TNFSF11: variants seen among roughly 807,000 people sequenced by gnomAD.
The protein encoded by TNFSF11 is tumor necrosis factor ligand superfamily member 11.
Under a neutral mutation model 32.2 loss-of-function variants are expected in TNFSF11, and 12 were observed. The ratio of observed to expected loss-of-function variants is 0.37; its 90% CI spans 0.24 to 0.60. TNFSF11 has a LOEUF of 0.60. Among genes scored for constraint, TNFSF11 ranks in the 20% least tolerant of loss-of-function variants. The pLI is 0.66. For synonymous variants in TNFSF11, 172 were observed against 152.1 expected, an observed-to-expected ratio of 1.13 and a Z score of -0.96; for missense variants, 345 against 398.0, an observed-to-expected ratio of 0.87 and a Z score of 1.13.
chr13:42,600,424 T>G (rs1869104743), intron 2 of TNFSF11, among the ~76,000 whole-genome samples: 1 of 152,242 alleles, frequency 6.6e-6, no homozygotes. Context: ...CTAGTTAACT[T>G]CATCTCCATT....
At chr13:42,575,580 T>G (rs1380061497) in intron 1 of TNFSF11, among the ~76,000 whole-genome samples, 1 of 152,208 alleles carries the variant, frequency 6.6e-6, no homozygotes, top group East Asian at 1.9e-4. Flanking sequence ...TGGCATTGCT[T>G]GGATTGTATG....
intron 2 of TNFSF11, among the ~76,000 whole-genome samples, chr13:42,568,482 T>C: frequency 6.6e-6 from 1 of 152,260 alleles, no homozygotes; most frequent in Admixed American, 6.5e-5. Flanking sequence ...AATTGTCCAT[T>C]GACACAGTGA....
intron 4 of TNFSF11, among the ~76,000 whole-genome samples, chr13:42,604,115 G>GGGTA (rs1869323873): frequency 6.6e-6 from 1 of 152,174 alleles, no homozygotes; most frequent in Non-Finnish European, 1.5e-5. Flanking sequence ...CCCATTGAGA[G>GGGTA]GGTAGACTTC....
At chr13:42,591,810 G>A (rs189852441) in intron 2 of TNFSF11, among the ~76,000 whole-genome samples, 85 of 152,320 alleles carry the variant, frequency 5.6e-4, no homozygotes, top group African/African-American at 1.5e-3. Flanking sequence ...CAAGAATGCC[G>A]TGGAAATAAG....
chr13:42,575,764 TGA>T (rs1210490978), intron 1 of TNFSF11, among the ~76,000 whole-genome samples: 1 of 152,224 alleles, frequency 6.6e-6, no homozygotes, highest in Non-Finnish European at 1.5e-5. Context: ...ATCTACTCAT[TGA>T]GAGTTTTGTT....
In TNFSF11 at chr13:42,574,431, C is replaced by T; in HGVS notation, c.128C>T (p.Ala43Val). The change falls in exon 1 of 5, where the codon GCC (alanine) becomes GTC (valine). Residue 43 changes from alanine to valine, a missense_variant. Around this residue, in one of 2 missense-constraint regions of TNFSF11, gnomAD observed 197 missense variants for 182.0 expected, o/e 1.08. Coordinates refer to ENST00000398795, the MANE Select transcript of TNFSF11 (RefSeq NM_003701.4). ...CCGCCTGCGCCGCACCAGCCCCCTG[C>T]CGCCTCCCGCTCCATGTTCGTGGCC... ...PPPPAPHQPP[A>V]ASRSMFVALL... 4 of 1,601,812 alleles carry T rather than the reference C, an allele frequency of 2.5e-6. No homozygotes were observed. The highest frequency in any genetic ancestry group is 3.4e-6 in the Non-Finnish European group (4 of 1,177,218).
At chr13:42,597,625 A>T (rs1049458036) in intron 2 of TNFSF11, among the ~76,000 whole-genome samples, 5 of 151,950 alleles carry the variant, frequency 3.3e-5, no homozygotes, top group African/African-American at 1.2e-4. Flanking sequence ...TGTGAAAGGG[A>T]TTGTCATTCT....
At chr13:42,563,019 G>C (rs1872727228) in intron 1 of TNFSF11, 1 of 152,126 alleles carries the variant, frequency 6.6e-6, no homozygotes, top group Non-Finnish European at 1.5e-5. Context: ...CTAGGGAGAG[G>C]GAGTTTCAGT....
intron 2 of TNFSF11, among the ~76,000 whole-genome samples, chr13:42,589,258 C>G (rs905409075): frequency 2.0e-5 from 3 of 152,170 alleles, no homozygotes; most frequent in Non-Finnish European, 2.9e-5. Context: ...TTCACCCACT[C>G]TTCACCTCTC....
intron 1 of TNFSF11, among the ~76,000 whole-genome samples, chr13:42,563,144 A>T (rs980919380): frequency 7.9e-5 from 12 of 152,356 alleles, no homozygotes; most frequent in South Asian, 4.1e-4. Context: ...TTATAACTTT[A>T]CTAGTCAAAT....
chr13:42,606,381 C>T (rs1869452957), intron 4 of TNFSF11, 116 bp from the exon 5 acceptor site: 1 of 1,246,500 alleles, frequency 8.0e-7, no homozygotes, highest in African/African-American at 1.5e-5. Flanking sequence ...ATAAGTTATT[C>T]TCCCTTTGAA....
intron 1 of TNFSF11, 81 bp downstream of exon 1, chr13:42,574,603 A>G (rs1350204620): frequency 7.4e-6 from 11 of 1,493,100 alleles, no homozygotes; most frequent in East Asian, 2.3e-5. Flanking sequence ...GTCTGGCGGC[A>G]GGGCTGGGCC....
At chr13:42,582,883 A>G (rs1203837766) in intron 2 of TNFSF11, among the ~76,000 whole-genome samples, 2 of 152,220 alleles carry the variant, frequency 1.3e-5, no homozygotes, top group South Asian at 4.1e-4. Flanking sequence ...ACCTATTCAC[A>G]TGCACTAGGG....
At chr13:42,602,848 A>G (rs1482201129) in intron 4 of TNFSF11, among the ~76,000 whole-genome samples, 1 of 152,214 alleles carries the variant, frequency 6.6e-6, no homozygotes, top group Non-Finnish European at 1.5e-5. Flanking sequence ...ATTGCATTAG[A>G]CCGTTTGCCA....
intron 2 of TNFSF11, among the ~76,000 whole-genome samples, chr13:42,590,387 G>A (rs773226049): frequency 4.6e-5 from 7 of 152,172 alleles, no homozygotes; most frequent in Non-Finnish European, 7.3e-5. Flanking sequence ...GCGTGAACAC[G>A]TTAGGGACCT....
At position 42,581,256 on chromosome 13, in the gene TNFSF11, G is replaced by A. The variant is rs2137867049; in HGVS notation, c.350G>A (p.Arg117Lys). 4.3e-6 allele frequency: 7 copies of A among 1,614,060 alleles called. No individual in the cohort carries two copies. The highest frequency in any genetic ancestry group is 5.9e-6 in the Non-Finnish European group (7 of 1,179,978). The change falls in exon 2 of 5, where the codon AGG becomes AAG. Residue 117 changes from arginine (R) to lysine (K), a missense_variant. By Grantham distance (26) the Arg-to-Lys change is conservative. Coordinates refer to ENST00000398795, the MANE Select transcript of TNFSF11 (RefSeq NM_003701.4). ...ACAAAATTAATACCTGATTCATGTA[G>A]GAGAATTAAACAGGCCTTTCAAGGA... The part of the protein sequence containing the change: ...QDTKLIPDSC[R>K]RIKQAFQGAV...
At chr13:42,606,366 T>A (rs1869451468) in intron 4 of TNFSF11, 131 bp from the exon 5 acceptor site, 1 of 1,107,800 alleles carries the variant, frequency 9.0e-7, no homozygotes, top group South Asian at 1.4e-5. Flanking sequence ...AGAAAAGAAA[T>A]GCCAATAAGT....
At chr13:42,581,099 A>G (rs1353415400) in intron 1 of TNFSF11, 27 bp from the exon 2 acceptor site, 2 of 1,613,326 alleles carry the variant, frequency 1.2e-6, no homozygotes, top group Admixed American at 1.7e-5. Context: ...TAAGCACTCT[A>G]ACGTCCTTAC....
At chr13:42,600,036 T>C (rs1869081272) in intron 2 of TNFSF11, among the ~76,000 whole-genome samples, 1 of 152,212 alleles carries the variant, frequency 6.6e-6, no homozygotes, top group Non-Finnish European at 1.5e-5. Context: ...ATGTGACATT[T>C]TAGTGTCAGC....
Sources: gnomAD v4.1 joint callset for allele counts (sites outside exome capture counted in the v4.1 genomes callset) on GRCh38, gnomAD v4.1.1 for gene constraint, gnomAD v4.1.1 regional missense constraint, MANE v1.5 for transcripts, NCBI Gene and HGNC (gene_info 2026-07-23, HGNC 2026-07-21) for gene names.